ITIH2: variants seen among roughly 807,000 people sequenced by gnomAD.
ITIH2 encodes the protein inter-alpha-trypsin inhibitor heavy chain H2.
Under a neutral mutation model 104.4 loss-of-function variants are expected in ITIH2, and 103 were observed. The observed-to-expected ratio is 0.99, with a 90% confidence interval of 0.84 to 1.16. ITIH2 has a LOEUF of 1.16. Ranked by LOEUF, ITIH2 falls within the 50% of genes most tolerant of loss-of-function variation. ITIH2 has a pLI of 0.00. For missense variants in ITIH2, 1,108 were observed against 1,162.4 expected (o/e 0.95, Z 0.68); for synonymous variants, 436 against 435.4 (o/e 1.00, Z -0.02).
intron 7 of ITIH2, 141 bp downstream of exon 7, chr10:7,721,104 C>G: frequency 1.6e-6 from 1 of 618,046 alleles, no homozygotes; most frequent in Non-Finnish European, 2.9e-6. Flanking sequence ...CAAGTAGAGC[C>G]TAGGGCCTCC....
chr10:7,749,458 A>ACCCT lies in ITIH2; in HGVS notation c.*124_*125insCCCT. 1 of 777,976 alleles carries ACCCT rather than the reference A, an allele frequency of 1.3e-6. No individual in the cohort carries two copies. The highest frequency in any genetic ancestry group is 2.0e-6 in the Non-Finnish European group (1 of 493,548). The allele number at this position is 777,976 out of a possible 1,614,324, so 48.2% of individuals were successfully genotyped here. A position where few individuals can be genotyped will look rare whatever the true frequency, so the allele number is the denominator to read the frequency against. ...TCAGGGTGGTTAATTAAAATGAACC[A>ACCCT]GATATCAGGGTGGTTTATAAAGCCT... On this transcript the variant is annotated 3_prime_UTR_variant, in exon 21 of 21. Transcript: ENST00000358415.
intron 19 of ITIH2, among the ~76,000 whole-genome samples, chr10:7,745,848 C>A (rs533922297): frequency 1.5e-4 from 22 of 151,180 alleles, no homozygotes; most frequent in Admixed American, 1.1e-3. Flanking sequence ...GCTGCCTCCC[C>A]GGTTCATGCG....
intron 19 of ITIH2, among the ~76,000 whole-genome samples, chr10:7,746,084 A>T (rs1360710342): frequency 1.4e-5 from 2 of 143,444 alleles, no homozygotes; most frequent in African/African-American, 5.0e-5. Context: ...AAAAAAAAAA[A>T]AAAAAAAAAA....
Position 7,727,037 on chromosome 10 carries a change from T to TG in ITIH2, c.1074dup (p.Arg359GlufsTer3). Reference sequence around the variant, plus strand: ...TGATTTCAACCAGAACATTCGAACTTGGAGAAATGATTTAATTTCAGCTAC... The same window carrying TG: ...TGATTTCAACCAGAACATTCGAACTTGGGAGAAATGATTTAATTTCAGCTAC... On this transcript the variant is annotated frameshift_variant, in exon 10 of 21. Transcript: ENST00000358415. LOFTEE classifies it high-confidence loss of function. 6.2e-7 allele frequency: 1 copy of TG among 1,614,072 alleles called. No individual in the cohort carries two copies. Among genetic ancestry groups the TG allele is most frequent in the East Asian group, 2.2e-5 (1 of 44,878 alleles).
chr10:7,718,413 G>T lies in ITIH2; in HGVS notation c.630+625G>T, dbSNP rs148951024. On this transcript the variant is annotated intron_variant, in intron 6 of 20. Transcript: ENST00000358415. The stretch of plus-strand genomic sequence containing the variant: ...GTTCCAGAGGTTGGGCGCATCTTTA[G>T]GGGGGGAGGCCACCATTCAACCCAA... Among the ~76,000 whole-genome samples, 3 of 152,002 alleles carry T rather than the reference G, an allele frequency of 2.0e-5. No homozygotes were observed. The East Asian group carries it at 5.8e-4, about 30-fold the overall frequency.
intron 16 of ITIH2, among the ~76,000 whole-genome samples, chr10:7,742,920 C>A (rs770230732): frequency 1.3e-5 from 2 of 152,032 alleles, no homozygotes; most frequent in African/African-American, 2.4e-5. Flanking sequence ...AAATAAATAT[C>A]CACTATATTT....
At chr10:7,715,637 G>A (rs1023267391) in intron 5 of ITIH2, among the ~76,000 whole-genome samples, 2 of 152,170 alleles carry the variant, frequency 1.3e-5, no homozygotes, top group African/African-American at 4.8e-5. Flanking sequence ...ACGAGGCCAT[G>A]CTCATCTTTT....
In ITIH2 at chr10:7,744,953, C is replaced by T. The variant is rs190130821; in HGVS notation, c.2571C>T (p.His857=). Residue 857 remains histidine, a synonymous_variant, in exon 19 of 21, where the codon CAC becomes CAT. Transcript: ENST00000358415. ...PPTNKFSPKA[H]GLIGQFMQEP... ...CAAACAAGTTCTCACCTAAAGCCCA[C>T]GGACTAATAGGTAAAGTGTCTATTG... The T allele has an allele frequency of 2.4e-5, 39 of 1,613,334 alleles. No homozygotes were observed. Among genetic ancestry groups the T allele is most frequent in the African/African-American group, 2.3e-4 (17 of 75,024 alleles).
chr10:7,743,019 C>A, intron 16 of ITIH2, 127 bp from the exon 17 acceptor site: 3 of 622,330 alleles, frequency 4.8e-6, no homozygotes, highest in Non-Finnish European at 8.6e-6. Flanking sequence ...GGAGGAGTAC[C>A]GAGCATGTAG....
chr10:7,722,348 C>T lies in ITIH2; in HGVS notation c.867+571C>T, dbSNP rs191657902. On this transcript the variant is annotated intron_variant, in intron 8 of 20. Transcript: ENST00000358415. ...CCCTGTACCTGGATGCTGTAGTTTC[C>T]TGGAAAGAGGCAGCCAAAGGGCAGA... 1.0e-3 allele frequency among the ~76,000 whole-genome samples: 155 copies of T among 152,222 alleles called. 1 individual carries two copies. Among genetic ancestry groups the T allele is most frequent in the Non-Finnish European group, 6.0e-4 (41 of 68,012 alleles).
At chr10:7,727,960 A>G in intron 11 of ITIH2, 132 bp downstream of exon 11, 1 of 1,063,708 alleles carries the variant, frequency 9.4e-7, no homozygotes, top group Non-Finnish European at 1.4e-6. Flanking sequence ...TGCTTCCTAA[A>G]GGAGGTCTTC....
At position 7,746,379 on chromosome 10, in the gene ITIH2, TAAAAAAA is replaced by T. The variant is rs562778983; in HGVS notation, c.2582-213_2582-207del. On this transcript the variant is annotated intron_variant, in intron 19 of 20. Coordinates refer to ENST00000358415, the MANE Select transcript of ITIH2 (RefSeq NM_002216.3). ...AACAGAGGGAGATCCTGCCTCAAATTAAAAAAATAAAAATAAAAAAAAGATGGTGAGC... is the reference window on the plus strand; with the variant it reads ...AACAGAGGGAGATCCTGCCTCAAATTTAAAAATAAAAAAAAGATGGTGAGC... 1.5e-4 allele frequency among the ~76,000 whole-genome samples: 23 copies of T among 151,498 alleles called. No individual in the cohort carries two copies. In the East Asian group the frequency reaches 2.2e-3, roughly 14 times the overall value.
In ITIH2 at chr10:7,713,731, G is replaced by A. The variant is rs538909885; in HGVS notation, c.467+446G>A. On this transcript the variant is annotated intron_variant, in intron 5 of 20. Coordinates refer to ENST00000358415, the MANE Select transcript of ITIH2 (RefSeq NM_002216.3). ...AGTTGTTGTTGTTGTTGTTTGAGATGAGGTCTTAATTTTTTGCCCAGGCTG... is the reference window on the plus strand; with the variant it reads ...AGTTGTTGTTGTTGTTGTTTGAGATAAGGTCTTAATTTTTTGCCCAGGCTG... 7.9e-4 allele frequency among the ~76,000 whole-genome samples: 120 copies of A among 152,230 alleles called. 2 individuals are homozygous for A. The highest frequency in any genetic ancestry group is 2.9e-3 in the African/African-American group (119 of 41,538).
chr10:7,704,708 A>C (rs1353140098), intron 1 of ITIH2, among the ~76,000 whole-genome samples: 2 of 152,240 alleles, frequency 1.3e-5, no homozygotes, highest in Non-Finnish European at 2.9e-5. Context: ...ATTTTATACA[A>C]AATTGTGATT....
chr10:7,713,352 C>T (rs1363286034), intron 5 of ITIH2, 67 bp downstream of exon 5: 9 of 1,267,790 alleles, frequency 7.1e-6, no homozygotes, highest in Non-Finnish European at 1.0e-5. Flanking sequence ...ACTTCCTTCC[C>T]ACAGCAGCAA....
intron 12 of ITIH2, among the ~76,000 whole-genome samples, chr10:7,731,209 G>C (rs990995462): frequency 6.6e-6 from 1 of 152,030 alleles, no homozygotes; most frequent in Non-Finnish European, 1.5e-5. Context: ...AAGCCACCAT[G>C]CCCGACCTCC....
intron 6 of ITIH2, among the ~76,000 whole-genome samples, chr10:7,719,520 G>C (rs527934831): frequency 6.6e-6 from 1 of 152,082 alleles, no homozygotes; most frequent in Admixed American, 6.6e-5. Context: ...GACAATCACT[G>C]AGACTGTTGA....
chr10:7,738,695 A>T lies in ITIH2; in HGVS notation c.2032A>T (p.Ile678Phe). ...SWANPSPTPV[I>F]SMLAQGSQVL... is the part of the protein sequence containing the mutation. ...GGCCAATCCTTCACCAACGCCCGTG[A>T]TCTCCATGCTGGCACAAGGATCTCA... Residue 678 changes from isoleucine to phenylalanine, a missense_variant, in exon 16 of 21, where the codon ATC becomes TTC. By Grantham distance (21) the Ile-to-Phe change is conservative. Coordinates refer to ENST00000358415, the MANE Select transcript of ITIH2 (RefSeq NM_002216.3). 6.2e-7 allele frequency: 1 copy of T among 1,613,730 alleles called. No individual in the cohort carries two copies. Among genetic ancestry groups the T allele is most frequent in the Non-Finnish European group, 8.5e-7 (1 of 1,179,826 alleles).
chr10:7,717,838 C>A, intron 6 of ITIH2, 50 bp downstream of exon 6: 1 of 1,551,684 alleles, frequency 6.4e-7, no homozygotes, highest in Non-Finnish European at 8.8e-7. Context: ...TTTATAGTCT[C>A]TGACCCTGAT....
Sources: allele counts gnomAD v4.1 joint callset (sites outside exome capture counted in the v4.1 genomes callset), GRCh38; gene constraint gnomAD v4.1.1; transcripts MANE v1.5; gene names NCBI Gene and HGNC (gene_info 2026-07-23, HGNC 2026-07-21).